COL21A1: variants seen among roughly 807,000 people sequenced by gnomAD.
COL21A1 encodes collagen type XXI alpha 1 chain, also known as collagen alpha-1(XXI) chain.
Under a neutral mutation model 137.9 loss-of-function variants are expected in COL21A1, and 149 were observed. The ratio of observed to expected loss-of-function variants is 1.08; its 90% CI spans 0.95 to 1.24. The LOEUF is 1.24. Among genes scored for constraint, COL21A1 ranks in the 50% most tolerant of loss-of-function variants. The probability of loss-of-function intolerance (pLI) is 0.00; values close to 1 mark genes in which losing one functional copy is unlikely to be tolerated. For missense variants in COL21A1, 1,167 were observed against 1,158.4 expected (o/e 1.01, Z -0.11); for synonymous variants, 456 against 391.5 (o/e 1.16, Z -1.95).
intron 17 of COL21A1, among the ~76,000 whole-genome samples, chr6:56,097,800 T>A (rs1371862676): frequency 2.6e-5 from 3 of 113,950 alleles, no homozygotes; most frequent in African/African-American, 1.0e-4. Context: ...TATATATAAA[T>A]CTATATAAAT....
intron 1 of COL21A1, among the ~76,000 whole-genome samples, chr6:56,351,784 G>T (rs557195393): frequency 1.2e-3 from 179 of 152,304 alleles, no homozygotes; most frequent in Non-Finnish European, 2.2e-3. Context: ...GGGGCTGATT[G>T]CTTGATAAAA....
chr6:56,080,986 G>A (rs1186312425), intron 17 of COL21A1, among the ~76,000 whole-genome samples: 1 of 151,812 alleles, frequency 6.6e-6, no homozygotes, highest in Non-Finnish European at 1.5e-5. Context: ...CTCCAGGCCA[G>A]TTATTTAAAC....
chr6:56,221,474 G>A (rs750578069), intron 1 of COL21A1, among the ~76,000 whole-genome samples: 1 of 152,086 alleles, frequency 6.6e-6, no homozygotes, highest in Non-Finnish European at 1.5e-5. Context: ...TATAATCCCA[G>A]CACTTTGGGA....
intron 16 of COL21A1, among the ~76,000 whole-genome samples, chr6:56,120,028 C>A (rs1772325598): frequency 6.6e-6 from 1 of 152,148 alleles, no homozygotes; most frequent in Non-Finnish European, 1.5e-5. Flanking sequence ...ACCTTACAAC[C>A]ATAGGTAACC....
chr6:56,334,353 C>T (rs1027720730), intron 1 of COL21A1, among the ~76,000 whole-genome samples: 5 of 152,052 alleles, frequency 3.3e-5, no homozygotes, highest in African/African-American at 1.2e-4. Context: ...ATACTACCTA[C>T]CTTAGAGCAC....
rs35595286 is a variant in COL21A1 at position 56,139,500 on chromosome 6, TACAC to T, written c.1542+2281_1542+2284del. Among the ~76,000 whole-genome samples the T allele has an allele frequency of 9.3e-5, 14 of 151,308 alleles. No individual in the cohort carries two copies. In the East Asian group the frequency reaches 1.4e-3, roughly 15 times the overall value. On this transcript the variant is annotated intron_variant, in intron 12 of 29. Coordinates refer to ENST00000244728, the MANE Select transcript of COL21A1 (RefSeq NM_030820.4). Reference sequence around the variant, plus strand: ...ACTTGTGCACACACACTTGTGCACATACACACACACACACACAAGTGTTTGGGCA... The same window carrying T: ...ACTTGTGCACACACACTTGTGCACATACACACACACACAAGTGTTTGGGCA...
intron 1 of COL21A1, among the ~76,000 whole-genome samples, chr6:56,331,333 C>T (rs1055604783): frequency 1.3e-5 from 2 of 150,908 alleles, no homozygotes; most frequent in Admixed American, 6.6e-5. Flanking sequence ...TTTTTTAGGT[C>T]TTTGTCATAA....
intron 6 of COL21A1, among the ~76,000 whole-genome samples, chr6:56,167,432 T>C (rs1248039480): frequency 1.3e-5 from 2 of 152,216 alleles, no homozygotes; most frequent in Non-Finnish European, 2.9e-5. Context: ...CCAGCACCTG[T>C]TAATGTTTAA....
intron 16 of COL21A1, among the ~76,000 whole-genome samples, chr6:56,114,562 A>G (rs1771740952): frequency 6.6e-6 from 1 of 152,138 alleles, no homozygotes; most frequent in African/African-American, 2.4e-5. Flanking sequence ...ACCAAAAAAC[A>G]CATGAAAAAA....
intron 1 of COL21A1, among the ~76,000 whole-genome samples, chr6:56,379,534 T>C (rs7739932): frequency 0.041 from 6,300 of 152,158 alleles, 232 homozygotes; most frequent in African/African-American, 0.098. Context: ...TAGATGAATA[T>C]AGAGAAGTAG....
rs1765807539 is a variant in COL21A1, at chr6:56,061,639, A to G, written c.2205+10T>C. 6.3e-7 allele frequency: 1 copy of G among 1,578,364 alleles called. No individual in the cohort carries two copies. ...GAGAGCAAGAGAGCATAATATATGAAGAAACATACCTCTCCTTTTGCACCA... is the reference window on the plus strand; with the variant it reads ...GAGAGCAAGAGAGCATAATATATGAGGAAACATACCTCTCCTTTTGCACCA... On this transcript the variant is annotated intron_variant, in intron 25 of 29. Coordinates refer to ENST00000244728, the MANE Select transcript of COL21A1 (RefSeq NM_030820.4).
At chr6:56,326,473 G>C (rs4626424) in intron 1 of COL21A1, among the ~76,000 whole-genome samples, 149,833 of 151,992 alleles carry the variant, frequency 0.99, 73,884 homozygotes, top group Middle Eastern at 1. Context: ...CATTGTTTCT[G>C]TCTTACCTAA....
chr6:56,142,080 T>C, intron 10 of COL21A1, 97 bp from the exon 11 acceptor site: 1 of 857,518 alleles, frequency 1.2e-6, no homozygotes, highest in Non-Finnish European at 1.8e-6. Flanking sequence ...AAGTTTCTCA[T>C]GCCTAAAACT....
At chr6:56,319,941 CT>C (rs1438703462) in intron 1 of COL21A1, among the ~76,000 whole-genome samples, 1 of 152,092 alleles carries the variant, frequency 6.6e-6, no homozygotes. Flanking sequence ...GACATGTTAT[CT>C]TTTTTATCTG....
At chr6:56,147,537 ATAGT>A (rs1561916476) in intron 10 of COL21A1, among the ~76,000 whole-genome samples, 2 of 152,030 alleles carry the variant, frequency 1.3e-5, no homozygotes, top group African/African-American at 4.8e-5. Context: ...GAGAACTCTA[ATAGT>A]AGAAACAGGC....
intron 17 of COL21A1, among the ~76,000 whole-genome samples, chr6:56,089,451 T>C (rs1272167103): frequency 2.0e-5 from 3 of 152,218 alleles, no homozygotes. Context: ...AACTTTTTAT[T>C]TTAAAAAAAT....
At chr6:56,277,416 T>C (rs1763694583) in intron 1 of COL21A1, among the ~76,000 whole-genome samples, 1 of 152,206 alleles carries the variant, frequency 6.6e-6, no homozygotes, top group Non-Finnish European at 1.5e-5. Context: ...ATGTGAGAAA[T>C]TAAATTCTTT....
chr6:56,258,215 C>G (rs1000216951), intron 1 of COL21A1, among the ~76,000 whole-genome samples: 3 of 152,032 alleles, frequency 2.0e-5, no homozygotes, highest in African/African-American at 7.2e-5. Context: ...TAAACAACAC[C>G]ATTTTTTTAA....
intron 9 of COL21A1, among the ~76,000 whole-genome samples, chr6:56,158,380 C>A (rs950018505): frequency 6.8e-6 from 1 of 146,968 alleles, no homozygotes; most frequent in Non-Finnish European, 1.5e-5. Flanking sequence ...TCAAGTGATC[C>A]TTCCACCTCA....
Sources: gnomAD v4.1 joint callset for allele counts (sites outside exome capture counted in the v4.1 genomes callset) on GRCh38, gnomAD v4.1.1 for gene constraint, MANE v1.5 for transcripts, NCBI Gene and HGNC (gene_info 2026-07-23, HGNC 2026-07-21) for gene names.